The following NDUFAF6 variants were observed in gnomAD, a reference collection of about 807,000 sequenced individuals.
The protein encoded by NDUFAF6 is NADH:ubiquinone oxidoreductase complex assembly factor 6.
In NDUFAF6, 45 loss-of-function variants were observed where a neutral mutation model predicts 40.8. The observed-to-expected ratio is 1.10, with a 90% CI of 0.87 to 1.42. The LOEUF is 1.42. Ranked by LOEUF, NDUFAF6 falls within the 40% of genes most tolerant of loss-of-function variation. The probability of loss-of-function intolerance (pLI) is 0.00; values close to 1 mark genes in which losing one functional copy is unlikely to be tolerated. For synonymous variants in NDUFAF6, 185 were observed against 155.9 expected (o/e 1.19, Z -1.39); for missense variants, 435 against 418.5 (o/e 1.04, Z -0.34).
chr8:95,031,020 T>C (rs2131763277), intron 1 of NDUFAF6, among the ~76,000 whole-genome samples: 1 of 152,330 alleles, frequency 6.6e-6, no homozygotes, highest in East Asian at 1.9e-4. Flanking sequence ...CCCAAGGGGA[T>C]GGCACCAAAC....
At chr8:94,909,958 T>C in intron 1 of NDUFAF6, among the ~76,000 whole-genome samples, 1 of 152,044 alleles carries the variant, frequency 6.6e-6, no homozygotes, top group East Asian at 1.9e-4. Context: ...CTGCTTTGTC[T>C]GCATCAGAGG....
At chr8:94,948,462 T>C (rs537439842) in intron 2 of NDUFAF6, among the ~76,000 whole-genome samples, 6 of 152,338 alleles carry the variant, frequency 3.9e-5, no homozygotes, top group African/African-American at 1.4e-4. Flanking sequence ...GAGCGCTCTT[T>C]CCACAGGTGC....
intron 2 of NDUFAF6, among the ~76,000 whole-genome samples, chr8:95,034,308 C>G (rs914478989): frequency 6.6e-6 from 1 of 152,168 alleles, no homozygotes; most frequent in South Asian, 2.1e-4. Flanking sequence ...AGGATAATCT[C>G]TTACATAACC....
chr8:94,943,197 G>C (rs1236537361), intron 1 of NDUFAF6, among the ~76,000 whole-genome samples: 1 of 152,186 alleles, frequency 6.6e-6, no homozygotes, highest in African/African-American at 2.4e-5. Flanking sequence ...AAAAGCATAG[G>C]AATGGATGAG....
At chr8:94,958,420 TCTC>T (rs1338878474) in intron 1 of NDUFAF6, among the ~76,000 whole-genome samples, 1 of 151,094 alleles carries the variant, frequency 6.6e-6, no homozygotes, top group Non-Finnish European at 1.5e-5. Context: ...TGCATCCTAA[TCTC>T]CTCTTCTCGT....
intron 1 of NDUFAF6, among the ~76,000 whole-genome samples, chr8:94,916,502 G>T (rs192944756): frequency 2.6e-4 from 39 of 152,298 alleles, no homozygotes; most frequent in Non-Finnish European, 4.6e-4. Context: ...CCAAATTTTA[G>T]CTTATTCCAC....
chr8:94,914,817 G>A (rs972067456), intron 1 of NDUFAF6, among the ~76,000 whole-genome samples: 2 of 151,182 alleles, frequency 1.3e-5, no homozygotes, highest in Non-Finnish European at 3.0e-5. Flanking sequence ...CCTGGGAGGC[G>A]GAGGCGTCTC....
chr8:94,995,536 G>C (rs1411041518), intron 2 of NDUFAF6, among the ~76,000 whole-genome samples: 1 of 152,140 alleles, frequency 6.6e-6, no homozygotes, highest in Non-Finnish European at 1.5e-5. Flanking sequence ...GTCTGAGGCG[G>C]GAGGATTGCA....
At chr8:95,019,413 G>C (rs549531465) in intron 2 of NDUFAF6, among the ~76,000 whole-genome samples, 63 of 152,310 alleles carry the variant, frequency 4.1e-4, no homozygotes, top group African/African-American at 1.2e-3. Flanking sequence ...ATACCCATGT[G>C]ACAACTATGA....
At chr8:95,015,879 G>A (rs1827423307) in intron 2 of NDUFAF6, among the ~76,000 whole-genome samples, 1 of 151,386 alleles carries the variant, frequency 6.6e-6, no homozygotes, top group South Asian at 2.1e-4. Flanking sequence ...AGAGTGCTAA[G>A]GGATAAATAG....
intron 2 of NDUFAF6, among the ~76,000 whole-genome samples, chr8:95,084,149 A>G (rs944019512): frequency 6.6e-6 from 1 of 152,086 alleles, no homozygotes; most frequent in African/African-American, 2.4e-5. Flanking sequence ...TAGTAAACCC[A>G]AGTTTTGTTG....
chr8:94,919,449 C>G (rs907004866), intron 1 of NDUFAF6, among the ~76,000 whole-genome samples: 1 of 152,158 alleles, frequency 6.6e-6, no homozygotes, highest in African/African-American at 2.4e-5. Context: ...AGAGTAGGCT[C>G]AGAGAGACTC....
chr8:95,072,900 GC>G (rs1377438062), intron 9 of NDUFAF6: 1 of 155,034 alleles, frequency 6.5e-6, no homozygotes, highest in African/African-American at 2.4e-5. Flanking sequence ...GAAGAGCAAG[GC>G]CCGAGGAGTG....
chr8:94,917,520 T>G (rs1367734030), intron 1 of NDUFAF6, among the ~76,000 whole-genome samples: 1 of 152,256 alleles, frequency 6.6e-6, no homozygotes, highest in Non-Finnish European at 1.5e-5. Flanking sequence ...GAATTCTTTT[T>G]GTGTAATGAT....
rs149124602 is a variant in NDUFAF6 at position 95,038,690 on chromosome 8, C to T, written c.421-2880C>T. On this transcript the variant is annotated intron_variant, in intron 3 of 8. Coordinates refer to ENST00000396124, the MANE Select transcript of NDUFAF6 (RefSeq NM_152416.4). ...GCCTCAGTAAATATTTTCTTTTTTT[C>T]TTTTTTGAGACGGAGCTTTGCTGTG... 3.0e-3 allele frequency among the ~76,000 whole-genome samples: 448 copies of T among 151,492 alleles called. 1 individual carries two copies. The highest frequency in any genetic ancestry group is 9.8e-3 in the African/African-American group (406 of 41,312).
chr8:95,047,508 C>CTTTTTTTTTTTT (rs373655223), intron 6 of NDUFAF6, among the ~76,000 whole-genome samples: 1 of 126,420 alleles, frequency 7.9e-6, no homozygotes, highest in Non-Finnish European at 1.7e-5. Flanking sequence ...CTTTTCTTTT[C>CTTTTTTTTTTTT]TTTTTTTTTT....
chr8:95,064,590 C>T (rs1315057235), intron 9 of NDUFAF6, among the ~76,000 whole-genome samples: 1 of 152,066 alleles, frequency 6.6e-6, no homozygotes, highest in East Asian at 1.9e-4. Context: ...TGATTTCTGG[C>T]TCATAACTCC....
intron 1 of NDUFAF6, chr8:94,926,043 A>G (rs528038060): frequency 6.5e-6 from 1 of 152,798 alleles, no homozygotes; most frequent in East Asian, 1.9e-4. Flanking sequence ...ATGCACCACA[A>G]CCCAATTACA....
upstream of NDUFAF6, among the ~76,000 whole-genome samples, chr8:94,955,595 GTTAT>G (rs1180000807): frequency 2.6e-5 from 4 of 152,206 alleles, no homozygotes; most frequent in African/African-American, 7.2e-5. Context: ...GAAATAGGAT[GTTAT>G]TTATTTATCT....
Sources: allele counts gnomAD v4.1 joint callset (sites outside exome capture counted in the v4.1 genomes callset), GRCh38; gene constraint gnomAD v4.1.1; transcripts MANE v1.5; gene names NCBI Gene and HGNC (gene_info 2026-07-23, HGNC 2026-07-21).